The following SMG1 variants were observed in gnomAD, a reference collection of about 807,000 sequenced individuals.
The protein encoded by SMG1 is SMG1 nonsense mediated mRNA decay associated PI3K related kinase.
In SMG1, 22 loss-of-function variants were observed where a neutral mutation model predicts 419.9. The ratio of observed to expected loss-of-function variants is 0.05; its 90% CI spans 0.04 to 0.07. The LOEUF (loss-of-function observed/expected upper bound fraction) is 0.07, where lower values mean the gene tolerates loss of function less well. SMG1 is among the 10% of genes least tolerant of loss of function. The pLI is 1.00. For missense variants in SMG1, 3,185 were observed against 4,342.0 expected, an observed-to-expected ratio of 0.73 and a Z score of 7.49; for synonymous variants, 1,538 against 1,553.5, an observed-to-expected ratio of 0.99 and a Z score of 0.23.
chr16:18,839,511 C>A (rs899294791), intron 42 of SMG1, among the ~76,000 whole-genome samples, 187 bp downstream of exon 42: 2 of 152,110 alleles, frequency 1.3e-5, no homozygotes, highest in Admixed American at 1.3e-4. Flanking sequence ...ACTCTTTCCC[C>A]ATCCTGCCCT....
chr16:18,835,986 C>T lies in SMG1; in HGVS notation c.8004G>A (p.Met2668Ile). Residue 2668 changes from methionine (M) to isoleucine (I), a missense_variant, in exon 48 of 63, where the codon ATG (methionine) becomes ATA (isoleucine). Transcript: ENST00000446231. The part of the protein sequence containing the change: ...KHRIEQWKTW[M>I]EELICNTTVE... The stretch of plus-strand genomic sequence containing the variant: ...CTGTGGTGTTACAGATGAGCTCTTC[C>T]ATCCAGGTCTTCCACTGTTCAATTC... The T allele has an allele frequency of 6.4e-7, 1 of 1,555,228 alleles. No homozygotes were observed.
At chr16:18,884,222 AT>A (rs1367591591) in intron 8 of SMG1, 55 bp from the exon 9 acceptor site, 1 of 857,658 alleles carries the variant, frequency 1.2e-6, no homozygotes, top group Non-Finnish European at 1.9e-6. Context: ...ACACCAAAAA[AT>A]CCAAATTAAA....
At chr16:18,894,393 G>T (rs527331779) in intron 3 of SMG1, among the ~76,000 whole-genome samples, 1 of 152,194 alleles carries the variant, frequency 6.6e-6, no homozygotes. Flanking sequence ...GTTACCAGCT[G>T]GGAAATTAGG....
rs1280364809 is a variant in SMG1 at position 18,834,219 on chromosome 16, C to T, written c.8550G>A (p.Val2850=). 3 of 1,595,568 alleles carry T rather than the reference C, an allele frequency of 1.9e-6. No homozygotes were observed. The highest frequency in any genetic ancestry group is 1.3e-5 in the African/African-American group (1 of 74,560). The change falls in exon 50 of 63, where the codon GTG becomes GTA. Residue 2850 remains valine, a synonymous_variant. Coordinates refer to ENST00000446231, the MANE Select transcript of SMG1 (RefSeq NM_015092.5). ...ASETVHLANG[V]YTSLQELNSN... ...AAGTGTTCACCTGAAGTGAGGTATA[C>T]ACTCCATTGGCTAAGTGAACTGTCT...
chr16:18,903,187 T>C (rs953327199), intron 1 of SMG1, among the ~76,000 whole-genome samples: 3 of 152,170 alleles, frequency 2.0e-5, no homozygotes, highest in Non-Finnish European at 4.4e-5. Flanking sequence ...TCAGTGTTGC[T>C]TATTTTCCTT....
chr16:18,848,778 T>C (rs1195950963), intron 36 of SMG1, among the ~76,000 whole-genome samples: 1 of 151,874 alleles, frequency 6.6e-6, no homozygotes, highest in Non-Finnish European at 1.5e-5. Flanking sequence ...ATTATTACTA[T>C]TAAAAAACCT....
chr16:18,899,414 T>C (rs549280718), intron 1 of SMG1, among the ~76,000 whole-genome samples: 10 of 152,094 alleles, frequency 6.6e-5, no homozygotes, highest in African/African-American at 2.4e-4. Flanking sequence ...GTCTCAGAAA[T>C]ACCTAAAAAC....
chr16:18,902,761 T>G (rs9922355), intron 1 of SMG1, among the ~76,000 whole-genome samples: 1 of 151,774 alleles, frequency 6.6e-6, no homozygotes, highest in Non-Finnish European at 1.5e-5. Flanking sequence ...TAGTATTAGA[T>G]GCAAGGGTCA....
At chr16:18,844,398 A>G (rs2034110297) in intron 39 of SMG1, among the ~76,000 whole-genome samples, 1 of 148,028 alleles carries the variant, frequency 6.8e-6, no homozygotes, top group Admixed American at 6.8e-5. Context: ...CACTCACTCC[A>G]GCCTGGGCAA....
intron 46 of SMG1, among the ~76,000 whole-genome samples, chr16:18,837,025 C>A (rs939369835): frequency 6.6e-6 from 1 of 152,164 alleles, no homozygotes; most frequent in Non-Finnish European, 1.5e-5. Context: ...AACCACTACA[C>A]CCACCTATCT....
intron 1 of SMG1, among the ~76,000 whole-genome samples, chr16:18,916,662 T>C (rs1366896844): frequency 1.3e-5 from 2 of 151,346 alleles, no homozygotes; most frequent in African/African-American, 4.9e-5. Context: ...CCCATACATA[T>C]GAAACCACAA....
At chr16:18,845,746 A>G (rs1165560678) in intron 38 of SMG1, 95 bp from the exon 39 acceptor site, 6 of 864,482 alleles carry the variant, frequency 6.9e-6, no homozygotes, top group Non-Finnish European at 1.1e-5. Flanking sequence ...TTGTTAAGTA[A>G]ACAGTACCAA....
chr16:18,870,379 T>A (rs576111976), intron 18 of SMG1, among the ~76,000 whole-genome samples: 16 of 152,386 alleles, frequency 1.0e-4, no homozygotes, highest in African/African-American at 3.1e-4. Context: ...TGGCACTACA[T>A]GAGTTATTCT....
chr16:18,853,926 C>A, intron 30 of SMG1, 59 bp from the exon 31 acceptor site: 1 of 1,465,154 alleles, frequency 6.8e-7, no homozygotes, highest in Admixed American at 2.3e-5. Context: ...TGGAGGGAGG[C>A]ACTTGGATTA....
At chr16:18,886,514 C>T (rs2036618643) in intron 6 of SMG1, among the ~76,000 whole-genome samples, 1 of 152,112 alleles carries the variant, frequency 6.6e-6, no homozygotes, top group Admixed American at 6.6e-5. Context: ...AGAAAACCAT[C>T]ATTTTAGGCT....
In SMG1 at chr16:18,852,126, C is replaced by G. The variant is rs531602073; in HGVS notation, c.4993G>C (p.Glu1665Gln). 4.3e-6 allele frequency: 7 copies of G among 1,613,706 alleles called. No individual in the cohort carries two copies. The highest frequency in any genetic ancestry group is 5.9e-6 in the Non-Finnish European group (7 of 1,179,856). Reference protein sequence around the residue: ...NLLPDTITEEEKERIYGILGQ... With the variant: ...NLLPDTITEEQKERIYGILGQ... ...AGAATACCATATATTCTCTCTTTCT[C>G]TTCCTCAGTTATAGTGTCTGGAAGT... The change falls in exon 33 of 63, where the codon GAG becomes CAG. Residue 1665 changes from glutamate to glutamine, a missense_variant. Physicochemically the swap from Glu to Gln is conservative, Grantham distance 29 (BLOSUM62 2). Coordinates refer to ENST00000446231, the MANE Select transcript of SMG1 (RefSeq NM_015092.5).
intron 55 of SMG1, among the ~76,000 whole-genome samples, chr16:18,826,805 C>G (rs1411969341): frequency 6.0e-5 from 2 of 33,574 alleles, no homozygotes; most frequent in African/African-American, 2.0e-4. Flanking sequence ...AGCTTCCCGG[C>G]TGCTTTGTTT....
chr16:18,856,855 G>C (rs1040818328), intron 29 of SMG1: 3 of 130,910 alleles, frequency 2.3e-5, no homozygotes, highest in Non-Finnish European at 4.8e-5. Flanking sequence ...GGGCAACAGA[G>C]TGAGATGGTC....
At chr16:18,920,195 A>G (rs1328943880) in intron 1 of SMG1, among the ~76,000 whole-genome samples, 1 of 151,986 alleles carries the variant, frequency 6.6e-6, no homozygotes, top group Non-Finnish European at 1.5e-5. Flanking sequence ...CAGCCTGACT[A>G]ACATGGTGAA....
Sources: allele counts gnomAD v4.1 joint callset (sites outside exome capture counted in the v4.1 genomes callset), GRCh38; gene constraint gnomAD v4.1.1; transcripts MANE v1.5; gene names NCBI Gene and HGNC (gene_info 2026-07-23, HGNC 2026-07-21).